Variants in SLC24A2 observed in about 807,000 individuals in gnomAD.
The protein encoded by SLC24A2 is solute carrier family 24 member 2.
In SLC24A2, 36 loss-of-function variants were observed where a neutral mutation model predicts 62.0. That is an observed-to-expected ratio of 0.58 (90% CI 0.44 to 0.77). SLC24A2 has a LOEUF of 0.77. SLC24A2 is among the 30% of genes least tolerant of loss of function. The pLI, the probability that SLC24A2 is intolerant of heterozygous loss-of-function variation, is 0.00. For synonymous variants in SLC24A2, 358 were observed against 294.0 expected (o/e 1.22, Z -2.23); for missense variants, 846 against 817.9 (o/e 1.03, Z -0.42).
At chr9:20,048,336 G>A in the SLC24A2 span, among the ~76,000 whole-genome samples, 2 of 152,102 alleles carry the variant, frequency 1.3e-5, no homozygotes, top group Non-Finnish European at 2.9e-5. Flanking sequence ...CAAATGAGAA[G>A]GCAATATTAT....
chr9:20,009,003 A>G, the SLC24A2 span, among the ~76,000 whole-genome samples: 1 of 152,312 alleles, frequency 6.6e-6, no homozygotes, highest in Non-Finnish European at 1.5e-5. Context: ...TGCAGAACTG[A>G]AAAAAGCTAT....
the SLC24A2 span, among the ~76,000 whole-genome samples, chr9:20,289,191 T>C: frequency 2.6e-5 from 4 of 152,204 alleles, no homozygotes; most frequent in Admixed American, 6.5e-5. Flanking sequence ...GATACAGCCA[T>C]AGTAACTGAA....
intron 2 of SLC24A2, among the ~76,000 whole-genome samples, chr9:19,687,011 C>A (rs1819901591): frequency 6.6e-6 from 1 of 152,050 alleles, no homozygotes; most frequent in Admixed American, 6.6e-5. Context: ...AGACCATAAT[C>A]CTATGTGAAC....
chr9:19,935,884 C>G, the SLC24A2 span, among the ~76,000 whole-genome samples: 2 of 152,136 alleles, frequency 1.3e-5, no homozygotes, highest in Non-Finnish European at 2.9e-5. Context: ...GAAGCAATCT[C>G]CACATGAGAA....
At chr9:20,257,060 G>C in the SLC24A2 span, among the ~76,000 whole-genome samples, 1 of 152,082 alleles carries the variant, frequency 6.6e-6, no homozygotes, top group Non-Finnish European at 1.5e-5. Flanking sequence ...GAGAATCAGA[G>C]ACTTCAGCAC....
At chr9:19,921,647 A>C in the SLC24A2 span, among the ~76,000 whole-genome samples, 1 of 152,042 alleles carries the variant, frequency 6.6e-6, no homozygotes, top group Non-Finnish European at 1.5e-5. Flanking sequence ...ATTCATCATC[A>C]TTTTGGGGGA....
the SLC24A2 span, among the ~76,000 whole-genome samples, chr9:19,805,482 C>G: frequency 6.6e-6 from 1 of 152,158 alleles, no homozygotes; most frequent in Middle Eastern, 3.2e-3. Context: ...AGGAGATTCA[C>G]TCAAAATGAA....
chr9:19,821,719 T>C, the SLC24A2 span, among the ~76,000 whole-genome samples: 1 of 152,152 alleles, frequency 6.6e-6, no homozygotes, highest in Non-Finnish European at 1.5e-5. Flanking sequence ...ATGTACAATA[T>C]TGTATATCCT....
the SLC24A2 span, among the ~76,000 whole-genome samples, chr9:20,009,318 G>T: frequency 1.3e-5 from 2 of 149,298 alleles, no homozygotes; most frequent in African/African-American, 5.0e-5. Context: ...CCAGAAGGCA[G>T]AGGTTTTAGT....
chr9:19,864,872 C>A, the SLC24A2 span, among the ~76,000 whole-genome samples: 1 of 151,890 alleles, frequency 6.6e-6, no homozygotes, highest in Non-Finnish European at 1.5e-5. Context: ...AAAGGATATC[C>A]AAATTGGAAA....
At chr9:20,182,794 G>C in the SLC24A2 span, among the ~76,000 whole-genome samples, 3 of 152,076 alleles carry the variant, frequency 2.0e-5, no homozygotes, top group African/African-American at 7.2e-5. Flanking sequence ...CAAAAAAGAA[G>C]CATGGTAGAA....
chr9:19,889,589 C>G, the SLC24A2 span, among the ~76,000 whole-genome samples: 7 of 152,242 alleles, frequency 4.6e-5, no homozygotes, highest in South Asian at 1.5e-3. Context: ...GCTTCCAAAC[C>G]ATTTTTCCTC....
the SLC24A2 span, among the ~76,000 whole-genome samples, chr9:20,089,695 C>G: frequency 1.3e-5 from 2 of 151,056 alleles, no homozygotes; most frequent in African/African-American, 2.4e-5. Context: ...CCCGCCACCC[C>G]CTGCCCACCA....
At chr9:20,038,636 A>C in the SLC24A2 span, among the ~76,000 whole-genome samples, 1,506 of 152,076 alleles carry the variant, frequency 9.9e-3, 23 homozygotes, top group African/African-American at 0.02. Context: ...AACAAACAAA[A>C]AAAAAAAAAA....
At chr9:19,864,257 A>T in the SLC24A2 span, among the ~76,000 whole-genome samples, 1 of 151,988 alleles carries the variant, frequency 6.6e-6, no homozygotes, top group South Asian at 2.1e-4. Flanking sequence ...TATTTAAAGA[A>T]CTAATACCAA....
At chr9:19,756,903 CTTT>C (rs780450451) in intron 2 of SLC24A2, among the ~76,000 whole-genome samples, 15 of 78,532 alleles carry the variant, frequency 1.9e-4, no homozygotes, top group Admixed American at 6.3e-4. Context: ...TTTACTGAAG[CTTT>C]TTTTTTTTTT....
At chr9:20,282,136 T>C in the SLC24A2 span, among the ~76,000 whole-genome samples, 2 of 152,120 alleles carry the variant, frequency 1.3e-5, no homozygotes, top group Admixed American at 6.5e-5. Flanking sequence ...TCCCAAACTA[T>C]TAAAACTGAC....
chr9:20,051,653 T>TTCTC, the SLC24A2 span, among the ~76,000 whole-genome samples: 31 of 123,872 alleles, frequency 2.5e-4, no homozygotes, highest in African/African-American at 7.8e-4. Context: ...GGTTTTTTCT[T>TTCTC]TCTCTTTTTT....
rs76305098 is a variant in SLC24A2, at chr9:19,724,060, T to C, written c.930+61877A>G. On this transcript the variant is annotated intron_variant, in intron 2 of 10. Transcript: ENST00000341998. ...ACTCATAATAATGTCAACACCATTA[T>C]AATTTTTGCCATAATCTCATAATTT... Among the ~76,000 whole-genome samples the C allele has an allele frequency of 6.2e-3, 948 of 152,316 alleles. 10 individuals are homozygous for C. Among genetic ancestry groups the C allele is most frequent in the African/African-American group, 0.022 (902 of 41,582 alleles).
Sources: gnomAD v4.1 joint callset for allele counts (sites outside exome capture counted in the v4.1 genomes callset) on GRCh38, gnomAD v4.1.1 for gene constraint, MANE v1.5 for transcripts, NCBI Gene and HGNC (gene_info 2026-07-23, HGNC 2026-07-21) for gene names.